IGHMBP2: variants seen among roughly 807,000 people sequenced by gnomAD.
The protein encoded by IGHMBP2 is DNA-binding protein SMUBP-2.
Under a neutral mutation model 96.0 loss-of-function variants are expected in IGHMBP2, and 81 were observed. The ratio of observed to expected loss-of-function variants is 0.84; its 90% CI spans 0.71 to 1.01. IGHMBP2 has a LOEUF of 1.01. IGHMBP2 is among the 50% of genes least tolerant of loss of function. The probability of loss-of-function intolerance (pLI) is 0.00; values close to 1 mark genes in which losing one functional copy is unlikely to be tolerated. For missense variants in IGHMBP2, 1,227 were observed against 1,306.3 expected (o/e 0.94, Z 0.94); for synonymous variants, 557 against 548.9 (o/e 1.01, Z -0.21).
At chr11:68,911,746 C>A in intron 5 of IGHMBP2, 143 bp downstream of exon 5, 1 of 826,900 alleles carries the variant, frequency 1.2e-6, no homozygotes, top group Non-Finnish European at 2.0e-6. Flanking sequence ...GAGCCTTGGA[C>A]TGCCCCTGTT....
Position 68,936,592 on chromosome 11 carries a change from T to C in IGHMBP2, c.2112T>C (p.Ser704=). 1 of 1,612,776 alleles carries C rather than the reference T, an allele frequency of 6.2e-7. No individual in the cohort carries two copies. ...AGCCGGCTGGGAAGTCTCTGGCCTCTGAAGCTCCATCTCAGCCCAGCCTCA... is the reference window on the plus strand; with the variant it reads ...AGCCGGCTGGGAAGTCTCTGGCCTCCGAAGCTCCATCTCAGCCCAGCCTCA... ...RKKPAGKSLA[S]EAPSQPSLNG... The change falls in exon 13 of 15, where the codon TCT becomes TCC. Residue 704 remains serine (S), a synonymous_variant. Coordinates refer to ENST00000255078, the MANE Select transcript of IGHMBP2 (RefSeq NM_002180.3).
Position 68,940,122 on chromosome 11 carries a change from G to A in IGHMBP2, c.*391G>A. The stretch of plus-strand genomic sequence containing the variant: ...GCCAGCTCAGCCCGTTAGGATGAGG[G>A]TGCTGAGAGGAAACAGGAAACAAGA... On this transcript the variant is annotated 3_prime_UTR_variant, in exon 15 of 15. Transcript: ENST00000255078. 4.4e-6 allele frequency: 1 copy of A among 224,992 alleles called. No individual in the cohort carries two copies. Among genetic ancestry groups the A allele is most frequent in the South Asian group, 8.0e-5 (1 of 12,516 alleles). 13.9% of individuals were successfully genotyped at this position (224,992 alleles called of 1,614,324 possible).
intron 8 of IGHMBP2, among the ~76,000 whole-genome samples, chr11:68,931,938 C>T (rs1458360786): frequency 6.7e-6 from 1 of 149,100 alleles, no homozygotes; most frequent in South Asian, 2.1e-4. Flanking sequence ...TGGGGGAAGA[C>T]GTTGGGTGGC....
chr11:68,906,351 T>G (rs1333984358), intron 2 of IGHMBP2, 113 bp downstream of exon 2: 62 of 1,148,130 alleles, frequency 5.4e-5, no homozygotes, highest in Non-Finnish European at 7.3e-5. Context: ...AGCGTTGCAA[T>G]GAAGAACTCT....
intron 5 of IGHMBP2, among the ~76,000 whole-genome samples, chr11:68,914,131 T>C (rs1323234950): frequency 6.6e-6 from 1 of 152,196 alleles, no homozygotes; most frequent in Admixed American, 6.5e-5. Context: ...GAGGCCTCAA[T>C]GTCCTTTTCT....
intron 8 of IGHMBP2, chr11:68,930,279 G>C (rs371654798): frequency 1.1e-4 from 136 of 1,285,122 alleles, no homozygotes; most frequent in Non-Finnish European, 1.3e-4. Context: ...TTCAGATTTC[G>C]GTTGCCTTTT....
At chr11:68,907,217 C>T (rs1015485276) in intron 2 of IGHMBP2, among the ~76,000 whole-genome samples, 2 of 152,108 alleles carry the variant, frequency 1.3e-5, no homozygotes, top group Non-Finnish European at 1.5e-5. Flanking sequence ...GCTGAAATCA[C>T]GCCACTGCAC....
intron 10 of IGHMBP2, 158 bp downstream of exon 10, chr11:68,934,071 AT>A: frequency 1.4e-6 from 1 of 691,876 alleles, no homozygotes; most frequent in Non-Finnish European, 2.6e-6. Context: ...GCTGAGCAGC[AT>A]CGTTTTCTCC....
intron 5 of IGHMBP2, among the ~76,000 whole-genome samples, chr11:68,911,857 C>T (rs1047587172): frequency 6.6e-6 from 1 of 152,358 alleles, no homozygotes; most frequent in South Asian, 2.1e-4. Flanking sequence ...TGGCAGCCTT[C>T]GTGTCGGCCA....
rs11822646 is a variant in IGHMBP2, at chr11:68,938,924, C to T, written c.2784+570C>T. Reference sequence around the variant, plus strand: ...GGGCCAGGGTGGCAGCAGGGTCACCCACCCAGATGCAGCAGTCAGGGTGGG... The same window carrying T: ...GGGCCAGGGTGGCAGCAGGGTCACCTACCCAGATGCAGCAGTCAGGGTGGG... On this transcript the variant is annotated intron_variant, in intron 14 of 14. Transcript: ENST00000255078. Among the ~76,000 whole-genome samples the T allele has an allele frequency of 7.3e-3, 1,112 of 152,230 alleles. 17 individuals are homozygous for T. Among genetic ancestry groups the T allele is most frequent in the African/African-American group, 0.025 (1,057 of 41,548 alleles).
chr11:68,908,333 A>C lies in IGHMBP2; in HGVS notation c.445A>C (p.Lys149Gln). 3 of 1,613,554 alleles carry C rather than the reference A, an allele frequency of 1.9e-6. No individual in the cohort carries two copies. Among genetic ancestry groups the C allele is most frequent in the Non-Finnish European group, 1.7e-6 (2 of 1,179,500 alleles). Residue 149 changes from lysine (K) to glutamine (Q), a missense_variant, in exon 3 of 15, where the codon AAA becomes CAA. Coordinates refer to ENST00000255078, the MANE Select transcript of IGHMBP2 (RefSeq NM_002180.3). ...LANDVTYRRLKKALIALKKYH... is the reference protein window; with the variant it reads ...LANDVTYRRLQKALIALKKYH... ...CAATGATGTCACTTACAGGCGACTG[A>C]AAAAGTAAGTGGATGGGACTGGAAA...
intron 7 of IGHMBP2, among the ~76,000 whole-genome samples, chr11:68,926,669 C>G (rs1227384027): frequency 3.9e-5 from 6 of 152,226 alleles, no homozygotes; most frequent in African/African-American, 9.6e-5. Flanking sequence ...ACTTGTTTCC[C>G]TTTTGCTGTT....
intron 13 of IGHMBP2, 96 bp from the exon 14 acceptor site, chr11:68,938,086 G>C: frequency 7.3e-7 from 1 of 1,371,996 alleles, no homozygotes; most frequent in South Asian, 1.2e-5. Context: ...TTACAGGTGT[G>C]AGCCACCGTG....
intron 7 of IGHMBP2, among the ~76,000 whole-genome samples, chr11:68,927,602 A>G (rs951092434): frequency 2.0e-5 from 3 of 152,192 alleles, no homozygotes; most frequent in Non-Finnish European, 4.4e-5. Context: ...AGGATATCTC[A>G]TTCCCCAGCT....
intron 1 of IGHMBP2, 59 bp from the exon 2 acceptor site, chr11:68,906,010 G>T (rs1028704831): frequency 1.3e-6 from 2 of 1,496,024 alleles, no homozygotes; most frequent in Admixed American, 3.3e-5. Flanking sequence ...ACTTTTCCTG[G>T]GTGGGTGGAA....
intron 8 of IGHMBP2, among the ~76,000 whole-genome samples, chr11:68,931,949 G>T (rs61887154): frequency 0.22 from 33,008 of 147,776 alleles, 4,480 homozygotes; most frequent in Admixed American, 0.39. Flanking sequence ...GTTGGGTGGC[G>T]TTCCCTGGAG....
intron 13 of IGHMBP2, 110 bp downstream of exon 13, chr11:68,937,201 C>T (rs1859580670): frequency 1.5e-6 from 2 of 1,330,698 alleles, no homozygotes; most frequent in Non-Finnish European, 1.1e-6. Flanking sequence ...CCTGGTGGCA[C>T]CGTGCCCGTG....
rs531698017 is a variant in IGHMBP2 at position 68,914,992 on chromosome 11, C to G, written c.881C>G (p.Ala294Gly). 1 of 1,614,086 alleles carries G rather than the reference C, an allele frequency of 6.2e-7. No homozygotes were observed. Among genetic ancestry groups the G allele is most frequent in the Admixed American group, 1.7e-5 (1 of 60,000 alleles). The change falls in exon 6 of 15, where the codon GCA becomes GGA. Residue 294 changes from alanine to glycine, a missense_variant. By Grantham distance (60) the Ala-to-Gly change is moderately conservative. This residue lies in a region of IGHMBP2 where 507 missense variants were observed against 496.9 expected (regional missense o/e 1.02). Coordinates refer to ENST00000255078, the MANE Select transcript of IGHMBP2 (RefSeq NM_002180.3). ...CGGAGCGACAGTGCCCAGATTGTTG[C>G]AGATATCAGGAAGGACATCGACCAG... ...LARSDSAQIV[A>G]DIRKDIDQVF...
intron 4 of IGHMBP2, among the ~76,000 whole-genome samples, chr11:68,908,854 T>C (rs939802261): frequency 2.6e-5 from 4 of 151,524 alleles, no homozygotes; most frequent in African/African-American, 9.7e-5. Flanking sequence ...TTTTTTTTTT[T>C]TTTTGAGACA....
Sources: allele counts gnomAD v4.1 joint callset (sites outside exome capture counted in the v4.1 genomes callset), GRCh38; gene constraint gnomAD v4.1.1; regional missense constraint gnomAD v4.1.1; transcripts MANE v1.5; gene names NCBI Gene and HGNC (gene_info 2026-07-23, HGNC 2026-07-21).